The following IMPG2 variants were observed in gnomAD, a reference collection of about 807,000 sequenced individuals.
IMPG2 encodes interphotoreceptor matrix proteoglycan 2.
Under a neutral mutation model 129.2 loss-of-function variants are expected in IMPG2, and 91 were observed. The observed-to-expected ratio is 0.70, with a 90% CI of 0.59 to 0.84. The LOEUF (loss-of-function observed/expected upper bound fraction) is 0.84. IMPG2 is among the 40% of genes least tolerant of loss of function. The pLI, the probability that IMPG2 is intolerant of heterozygous loss-of-function variation, is 0.00. For synonymous variants in IMPG2, 510 were observed against 517.7 expected (o/e 0.99, Z 0.20); for missense variants, 1,430 against 1,461.7 (o/e 0.98, Z 0.35).
Position 101,232,837 on chromosome 3 carries a change from G to A in IMPG2, c.3177C>T (p.Asp1059=). The A allele has an allele frequency of 6.2e-7, 1 of 1,613,644 alleles. No individual in the cohort carries two copies. The highest frequency in any genetic ancestry group is 8.5e-7 in the Non-Finnish European group (1 of 1,179,954). ...PCQSLCDLQP[D]FCLNDGKCDI... ...CACACTTTCCATCATTCAAGCAGAAGTCAGGCTGTAGGTCACAGAGACTCT... is the reference window on the plus strand; with the variant it reads ...CACACTTTCCATCATTCAAGCAGAAATCAGGCTGTAGGTCACAGAGACTCT... The change falls in exon 15 of 19, where the codon GAC becomes GAT. Residue 1059 remains aspartate, a synonymous_variant. Transcript: ENST00000193391.
In IMPG2 at chr3:101,304,020, C is replaced by CA. The variant is rs947218097; in HGVS notation, c.501+125dup. The CA allele has an allele frequency of 4.2e-6, 4 of 960,534 alleles. No homozygotes were observed. The African/African-American group carries it at 6.4e-5, about 15-fold the overall frequency. The allele number at this position is 960,534 out of a possible 1,614,324, so 59.5% of individuals were successfully genotyped here. A position where few individuals can be genotyped will look rare whatever the true frequency, so the allele number is the denominator to read the frequency against. On this transcript the variant is annotated intron_variant, in intron 3 of 18. Transcript: ENST00000193391. ...AGGCCACACCCTAGGGCAGCTTACT[C>CA]AGATAGCCCAATTCAACAAAAGAGT...
chr3:101,292,466 T>C (rs1338696119), intron 3 of IMPG2, among the ~76,000 whole-genome samples: 1 of 152,222 alleles, frequency 6.6e-6, no homozygotes, highest in African/African-American at 2.4e-5. Flanking sequence ...AAAAAAGGTA[T>C]ATACCTTAAT....
At chr3:101,239,802 A>G (rs528570738) in intron 14 of IMPG2, among the ~76,000 whole-genome samples, 1 of 152,332 alleles carries the variant, frequency 6.6e-6, no homozygotes, top group African/African-American at 2.4e-5. Flanking sequence ...CATTATTCTC[A>G]GCGAACTAAC....
chr3:101,301,195 T>G (rs1707136359), intron 3 of IMPG2, among the ~76,000 whole-genome samples: 1 of 152,194 alleles, frequency 6.6e-6, no homozygotes, highest in Non-Finnish European at 1.5e-5. Flanking sequence ...ATTACAATAG[T>G]TATTGTAATT....
At chr3:101,275,508 A>C (rs1053916817) in intron 6 of IMPG2, among the ~76,000 whole-genome samples, 155 bp downstream of exon 6, 1 of 152,158 alleles carries the variant, frequency 6.6e-6, no homozygotes. Context: ...AAGGAATCTC[A>C]AAATTGTTTT....
At chr3:101,274,308 A>G (rs1706820056) in intron 6 of IMPG2, among the ~76,000 whole-genome samples, 1 of 152,186 alleles carries the variant, frequency 6.6e-6, no homozygotes, top group African/African-American at 2.4e-5. Flanking sequence ...ATAAAAAGAA[A>G]GAACAAAAAT....
At chr3:101,230,126 T>C (rs1034343280) in intron 16 of IMPG2, among the ~76,000 whole-genome samples, 1 of 152,214 alleles carries the variant, frequency 6.6e-6, no homozygotes, top group Non-Finnish European at 1.5e-5. Flanking sequence ...TACAGTCTAA[T>C]GAAAAGTCAG....
intron 7 of IMPG2, among the ~76,000 whole-genome samples, chr3:101,270,677 G>A (rs1003514227): frequency 2.0e-5 from 3 of 152,076 alleles, no homozygotes; most frequent in Admixed American, 2.0e-4. Context: ...GTGGGCGCCT[G>A]TAGTCCCAGC....
chr3:101,288,722 A>G (rs917224135), intron 4 of IMPG2, among the ~76,000 whole-genome samples: 1 of 152,116 alleles, frequency 6.6e-6, no homozygotes, highest in African/African-American at 2.4e-5. Flanking sequence ...GTGTGGGTTG[A>G]AAAACTACAT....
In IMPG2 at chr3:101,270,136, C is replaced by T. The variant is rs973769932; in HGVS notation, c.829-563G>A. Among the ~76,000 whole-genome samples the T allele has an allele frequency of 6.6e-5, 10 of 151,830 alleles. No homozygotes were observed. In the East Asian group the frequency reaches 9.7e-4, roughly 15 times the overall value. ...ATTTTTACTAGAGGCGGGGTTTCACCGTGTTGGCCAGGCTGGTCTCGAATT... is the reference window on the plus strand; with the variant it reads ...ATTTTTACTAGAGGCGGGGTTTCACTGTGTTGGCCAGGCTGGTCTCGAATT... On this transcript the variant is annotated intron_variant, in intron 7 of 18. Coordinates refer to ENST00000193391, the MANE Select transcript of IMPG2 (RefSeq NM_016247.4).
At chr3:101,238,949 A>G (rs1172829538) in intron 14 of IMPG2, among the ~76,000 whole-genome samples, 2 of 152,218 alleles carry the variant, frequency 1.3e-5, no homozygotes, top group East Asian at 3.8e-4. Context: ...GACAAGACCC[A>G]TCAGTGTGCT....
intron 9 of IMPG2, among the ~76,000 whole-genome samples, chr3:101,259,194 C>T (rs1461235188): frequency 6.6e-6 from 1 of 152,100 alleles, no homozygotes; most frequent in African/African-American, 2.4e-5. Context: ...CTCTGCAGGA[C>T]ATCCATCATA....
At chr3:101,240,893 G>A (rs1180462954) in intron 14 of IMPG2, among the ~76,000 whole-genome samples, 1 of 152,212 alleles carries the variant, frequency 6.6e-6, no homozygotes, top group Non-Finnish European at 1.5e-5. Context: ...AGGCACTGGA[G>A]AAATACAAAG....
intron 11 of IMPG2, among the ~76,000 whole-genome samples, chr3:101,252,000 A>G (rs924281942): frequency 2.6e-5 from 4 of 152,158 alleles, no homozygotes; most frequent in South Asian, 2.1e-4. Flanking sequence ...GTCTCCTTCA[A>G]TTGTTAATGA....
At chr3:101,263,782 G>T (rs955497849) in intron 9 of IMPG2, among the ~76,000 whole-genome samples, 33 of 140,450 alleles carry the variant, frequency 2.3e-4, no homozygotes, top group African/African-American at 8.7e-4. Flanking sequence ...TTTTTGAAAA[G>T]ATAAAAATCA....
intron 18 of IMPG2, chr3:101,227,915 T>A: frequency 2.2e-6 from 1 of 448,040 alleles, no homozygotes. Context: ...CTCAGGGCCA[T>A]GGGTGTTATT....
In IMPG2 at chr3:101,232,816, C is replaced by T. The variant is rs751176641; in HGVS notation, c.3198G>A (p.Lys1066=). 10 of 1,613,640 alleles carry T rather than the reference C, an allele frequency of 6.2e-6. No individual in the cohort carries two copies. The highest frequency in any genetic ancestry group is 1.3e-5 in the African/African-American group (1 of 74,866). The change falls in exon 15 of 19, where the codon AAG becomes AAA. Residue 1066 remains lysine (K), a synonymous_variant. Transcript: ENST00000193391. ...LQPDFCLNDG[K]CDIMPGHGAI... ...CCCCGTGCCCAGGCATAATGTCACA[C>T]TTTCCATCATTCAAGCAGAAGTCAG... is the stretch of plus-strand genomic sequence containing the variant.
At chr3:101,317,524 T>C (rs566450830) in intron 2 of IMPG2, among the ~76,000 whole-genome samples, 1 of 152,272 alleles carries the variant, frequency 6.6e-6, no homozygotes, top group Non-Finnish European at 1.5e-5. Context: ...ATTGCAAACA[T>C]TTGGTGTTAA....
At chr3:101,279,444 A>G (rs1212715493) in intron 4 of IMPG2, among the ~76,000 whole-genome samples, 1 of 152,208 alleles carries the variant, frequency 6.6e-6, no homozygotes, top group African/African-American at 2.4e-5. Context: ...CATGGCCCTT[A>G]TGTGATCCCT....
Sources: gnomAD v4.1 joint callset for allele counts (sites outside exome capture counted in the v4.1 genomes callset) on GRCh38, gnomAD v4.1.1 for gene constraint, MANE v1.5 for transcripts, NCBI Gene and HGNC (gene_info 2026-07-23, HGNC 2026-07-21) for gene names.